The following SLC37A3 variants were observed in gnomAD, a reference collection of about 807,000 sequenced individuals.
SLC37A3 encodes the protein sugar phosphate exchanger 3.
A neutral mutation model predicts 67.1 loss-of-function variants in SLC37A3; 51 were observed. The observed-to-expected ratio is 0.76, with a 90% CI of 0.61 to 0.96. The LOEUF (loss-of-function observed/expected upper bound fraction) is 0.96. Ranked by LOEUF, SLC37A3 falls within the 40% of genes least tolerant of loss-of-function variation. SLC37A3 has a pLI of 0.00. For missense variants in SLC37A3, 508 were observed against 603.0 expected, an observed-to-expected ratio of 0.84 and a Z score of 1.65; for synonymous variants, 214 against 231.4, an observed-to-expected ratio of 0.92 and a Z score of 0.68.
Position 140,355,672 on chromosome 7 carries a change from T to C in SLC37A3, c.614A>G (p.Tyr205Cys). The change falls in exon 7 of 15, where the codon TAT (tyrosine) becomes TGT (cysteine). Residue 205 changes from tyrosine (Y) to cysteine (C), a missense_variant. Physicochemically the swap from Tyr to Cys is radical, Grantham distance 194. Coordinates refer to ENST00000326232, the MANE Select transcript of SLC37A3 (RefSeq NM_207113.3). ...GAGCTAGAAAACAATACCTACCTCA[T>C]AACCATACTGAAGAACAGAAGAAGC... ...CLASSVLQYGYEYAFLVTASV... is the reference protein window; with the variant it reads ...CLASSVLQYGCEYAFLVTASV... 1 of 1,613,466 alleles carries C rather than the reference T, an allele frequency of 6.2e-7. No homozygotes were observed. The highest frequency in any genetic ancestry group is 8.5e-7 in the Non-Finnish European group (1 of 1,179,702).
chr7:140,334,991 C>G lies in SLC37A3; in HGVS notation c.*421G>C. On this transcript the variant is annotated 3_prime_UTR_variant, in exon 15 of 15. Coordinates refer to ENST00000326232, the MANE Select transcript of SLC37A3 (RefSeq NM_207113.3). ...CATTACCAAAGCAAAATGCAATGAT[C>G]TCTTCCATTTGTGGAACATACCACC... 2.2e-6 allele frequency: 1 copy of G among 448,110 alleles called. No homozygotes were observed. Among genetic ancestry groups the G allele is most frequent in the Non-Finnish European group, 4.1e-6 (1 of 243,276 alleles). 27.8% of individuals were successfully genotyped at this position (448,110 alleles called of 1,614,324 possible). A position where few individuals can be genotyped will look rare whatever the true frequency, so the allele number is the denominator to read the frequency against.
At chr7:140,380,595 C>T (rs184268482) in intron 2 of SLC37A3, among the ~76,000 whole-genome samples, 5 of 152,254 alleles carry the variant, frequency 3.3e-5, no homozygotes, top group African/African-American at 1.2e-4. Flanking sequence ...GTCACTCAAG[C>T]TAGAGTGCAG....
chr7:140,349,543 G>C (rs865828263), intron 9 of SLC37A3, among the ~76,000 whole-genome samples: 10 of 150,852 alleles, frequency 6.6e-5, no homozygotes, highest in East Asian at 2.0e-4. Context: ...GAAAAAGGGG[G>C]GGGGGACAGA....
chr7:140,359,428 C>G (rs190085409), intron 5 of SLC37A3, among the ~76,000 whole-genome samples: 68 of 152,244 alleles, frequency 4.5e-4, no homozygotes, highest in African/African-American at 1.6e-3. Context: ...GGAACAGCAA[C>G]CTCCAGAGGG....
chr7:140,389,111 G>A (rs1269524327), intron 1 of SLC37A3, among the ~76,000 whole-genome samples: 1 of 152,256 alleles, frequency 6.6e-6, no homozygotes, highest in African/African-American at 2.4e-5. Context: ...TTCAGTTCAT[G>A]GTTTGACACT....
chr7:140,389,327 G>A (rs534304889), intron 1 of SLC37A3, among the ~76,000 whole-genome samples: 2 of 152,106 alleles, frequency 1.3e-5, no homozygotes, highest in East Asian at 1.9e-4. Flanking sequence ...CCCTGCACTC[G>A]ATAGATCAGC....
chr7:140,345,366 CACTCCCAGAGACA>C, intron 11 of SLC37A3, 103 bp from the exon 12 acceptor site: 1 of 831,634 alleles, frequency 1.2e-6, no homozygotes, highest in East Asian at 2.5e-5. Context: ...CCTCACAAAT[CACTCCCAGAGACA>C]ACAAAGAGAC....
chr7:140,335,619 G>T (rs750495185), intron 14 of SLC37A3, 115 bp from the exon 15 acceptor site: 7 of 1,266,134 alleles, frequency 5.5e-6, no homozygotes, highest in Non-Finnish European at 7.6e-6. Context: ...TTCATACAAA[G>T]ATAATGTTTA....
chr7:140,359,969 A>G (rs1348354852), intron 5 of SLC37A3, among the ~76,000 whole-genome samples: 2 of 152,236 alleles, frequency 1.3e-5, no homozygotes, highest in East Asian at 3.8e-4. Context: ...GTGGGTGAGC[A>G]ACTCATAAAT....
At chr7:140,367,735 C>T (rs997782257) in intron 4 of SLC37A3, among the ~76,000 whole-genome samples, 6 of 151,962 alleles carry the variant, frequency 3.9e-5, no homozygotes, top group African/African-American at 1.2e-4. Flanking sequence ...CAGACAGAGA[C>T]GCCAGCTGCC....
At chr7:140,352,301 C>T (rs1435713258) in intron 7 of SLC37A3, 155 bp from the exon 8 acceptor site, 12 of 642,478 alleles carry the variant, frequency 1.9e-5, no homozygotes, top group East Asian at 2.7e-5. Context: ...CTGGGCCGGG[C>T]GCCATGCAAA....
chr7:140,360,431 T>G (rs1005245995), intron 5 of SLC37A3, among the ~76,000 whole-genome samples: 6 of 152,144 alleles, frequency 3.9e-5, no homozygotes, highest in African/African-American at 1.4e-4. Flanking sequence ...TAGTAAGCAA[T>G]GACGATTAGT....
chr7:140,397,092 C>T (rs1798963334), intron 1 of SLC37A3, among the ~76,000 whole-genome samples: 1 of 148,236 alleles, frequency 6.7e-6, no homozygotes, highest in Non-Finnish European at 1.5e-5. Flanking sequence ...CCCAGCTACT[C>T]GGGAGGCTGA....
chr7:140,391,077 T>G (rs1187384263), intron 1 of SLC37A3, among the ~76,000 whole-genome samples: 1 of 152,116 alleles, frequency 6.6e-6, no homozygotes, highest in Non-Finnish European at 1.5e-5. Flanking sequence ...CTACCACACT[T>G]CCCAGTAATT....
intron 4 of SLC37A3, 37 bp downstream of exon 4, chr7:140,369,553 T>G: frequency 6.4e-7 from 1 of 1,566,292 alleles, no homozygotes; most frequent in South Asian, 1.1e-5. Flanking sequence ...TATTTACATT[T>G]TTCTTTAGCT....
chr7:140,349,896 T>C (rs1796724674), intron 9 of SLC37A3, among the ~76,000 whole-genome samples: 1 of 152,190 alleles, frequency 6.6e-6, no homozygotes, highest in South Asian at 2.1e-4. Flanking sequence ...TAAAAGATAA[T>C]AATCAATAGC....
chr7:140,393,550 G>A (rs1455732035), intron 1 of SLC37A3, among the ~76,000 whole-genome samples: 1 of 152,122 alleles, frequency 6.6e-6, no homozygotes, highest in Non-Finnish European at 1.5e-5. Context: ...TCTTGCTTCG[G>A]GCTTTGTGTT....
rs1563027225 is a variant in SLC37A3 at position 140,361,504 on chromosome 7, C to CCTCTCCCTCTCCCTCT, written c.376-2720_376-2719insAGAGGGAGAGGGAGAG. ...GACACACAGCCTCTCCCTCCCCCTC[C>CCTCTCCCTCTCCCTCT]CCCTCCCCCTCCCCCTCCCCCTCCC... On this transcript the variant is annotated intron_variant, in intron 5 of 14. Transcript: ENST00000326232. Among the ~76,000 whole-genome samples, 10 of 73,122 alleles carry CCTCTCCCTCTCCCTCT rather than the reference C, an allele frequency of 1.4e-4. 1 individual carries two copies. The highest frequency in any genetic ancestry group is 1.3e-3 in the East Asian group (3 of 2,340). 48.0% of individuals were successfully genotyped at this position (73,122 alleles called of 152,430 possible).
chr7:140,393,633 T>C (rs1176248178), intron 1 of SLC37A3, among the ~76,000 whole-genome samples: 7 of 152,198 alleles, frequency 4.6e-5, no homozygotes, highest in Admixed American at 4.6e-4. Context: ...TCTTGGCTAG[T>C]CAATGAAATG....
Sources: gnomAD v4.1 joint callset for allele counts (sites outside exome capture counted in the v4.1 genomes callset) on GRCh38, gnomAD v4.1.1 for gene constraint, MANE v1.5 for transcripts, NCBI Gene and HGNC (gene_info 2026-07-23, HGNC 2026-07-21) for gene names.